CA4: variants seen among roughly 807,000 people sequenced by gnomAD.
CA4 encodes CA-IV.
CA4 carries 24 observed loss-of-function variants against 34.5 expected under a neutral mutation model. The ratio of observed to expected loss-of-function variants is 0.70; its 90% CI spans 0.50 to 0.98. The LOEUF is 0.98. Ranked by LOEUF, CA4 falls within the 50% of genes least tolerant of loss-of-function variation. CA4 has a pLI of 0.00. For missense variants in CA4, 394 were observed against 396.7 expected, an observed-to-expected ratio of 0.99 and a Z score of 0.06; for synonymous variants, 178 against 170.6, an observed-to-expected ratio of 1.04 and a Z score of -0.34.
intron 5 of CA4, among the ~76,000 whole-genome samples, chr17:60,167,663 T>TC (rs1278766564): frequency 1.3e-5 from 2 of 152,250 alleles, no homozygotes; most frequent in Non-Finnish European, 2.9e-5. Flanking sequence ...ATGCCAGCTT[T>TC]CCTTCAGGGG....
At chr17:60,154,782 G>A (rs966430465) in intron 1 of CA4, among the ~76,000 whole-genome samples, 9 of 152,296 alleles carry the variant, frequency 5.9e-5, no homozygotes, top group Middle Eastern at 6.8e-3. Flanking sequence ...GCTGTGAGAC[G>A]CTAGCCAAGA....
intron 2 of CA4, among the ~76,000 whole-genome samples, 191 bp from the exon 3 acceptor site, chr17:60,156,369 G>A (rs570231947): frequency 2.6e-5 from 4 of 152,304 alleles, no homozygotes; most frequent in African/African-American, 7.2e-5. Flanking sequence ...TTCTGTGGAG[G>A]AGGAGGAGGA....
Position 60,157,697 on chromosome 17 carries a change from T to C in CA4, c.422T>C (p.Ile141Thr), listed in dbSNP as rs781756861. The stretch of plus-strand genomic sequence containing the variant: ...CCCCTCCACCCCGACCAGATGCACA[T>C]AGTACATGAGAAAGAGAAGGGGACA... ...DGEHFAMEMH[I>T]VHEKEKGTSR... Residue 141 changes from isoleucine to threonine, a missense_variant, in exon 5 of 8, where the codon ATA (isoleucine) becomes ACA (threonine). Ile to Thr is a moderately conservative substitution (Grantham distance 89). Transcript: ENST00000300900. 1.9e-6 allele frequency: 3 copies of C among 1,613,468 alleles called. No homozygotes were observed. The highest frequency in any genetic ancestry group is 2.7e-5 in the African/African-American group (2 of 74,956).
downstream of CA4, among the ~76,000 whole-genome samples, chr17:60,173,850 A>C (rs2083934115): frequency 6.6e-6 from 1 of 152,212 alleles, no homozygotes; most frequent in African/African-American, 2.4e-5. Context: ...CTCTGGACTC[A>C]GCATATCCAA....
chr17:60,162,912 C>T (rs993755369), downstream of CA4, among the ~76,000 whole-genome samples: 2 of 152,188 alleles, frequency 1.3e-5, no homozygotes, highest in Non-Finnish European at 2.9e-5. Flanking sequence ...TGTCCAGGGG[C>T]AGGGTGGGGG....
chr17:60,154,224 C>T (rs2083639404), intron 1 of CA4, among the ~76,000 whole-genome samples: 1 of 98,970 alleles, frequency 1.0e-5, no homozygotes, highest in East Asian at 3.7e-4. Flanking sequence ...CATCTGCTCC[C>T]AAAAGGAGGC....
downstream of CA4, among the ~76,000 whole-genome samples, chr17:60,160,811 C>T (rs961494651): frequency 3.5e-5 from 5 of 143,306 alleles, no homozygotes; most frequent in East Asian, 4.2e-4. Context: ...GGGGAAGGGG[C>T]GGCTGGGAGG....
At chr17:60,152,654 C>A (rs769211260) in intron 1 of CA4, among the ~76,000 whole-genome samples, 1 of 152,202 alleles carries the variant, frequency 6.6e-6, no homozygotes, top group Non-Finnish European at 1.5e-5. Flanking sequence ...TGCCCCCGGG[C>A]CCTCCAGTCA....
chr17:60,164,380 CTTTCTTTCTTTTTTCTT>C (rs1200470063), downstream of CA4, among the ~76,000 whole-genome samples: 2 of 147,988 alleles, frequency 1.4e-5, no homozygotes, highest in Non-Finnish European at 3.0e-5. Context: ...GTCTTTCTTT[CTTTCTTTCTTTTTTCTT>C]TTTCTTTCTT....
rs748492425 is a variant in CA4 at position 60,159,275 on chromosome 17, G to A, written c.790G>A (p.Val264Met). 58 of 1,609,980 alleles carry A rather than the reference G, an allele frequency of 3.6e-5. No individual in the cohort carries two copies. The highest frequency in any genetic ancestry group is 4.6e-5 in the Non-Finnish European group (54 of 1,178,122). The stretch of plus-strand genomic sequence containing the variant: ...GCTGTACTACGACAAGGAACAGACA[G>A]TGAGCATGAAGGACAATGTCAGGCC... ...QKLYYDKEQT[V>M]SMKDNVRPLQ... is the part of the protein sequence containing the mutation. The change falls in exon 8 of 8, where the codon GTG (valine) becomes ATG (methionine). Residue 264 changes from valine (V) to methionine (M), a missense_variant. By Grantham distance (21) the Val-to-Met change is conservative. Transcript: ENST00000300900.
At chr17:60,157,922 A>T in intron 5 of CA4, 134 bp downstream of exon 5, 1 of 1,544,294 alleles carries the variant, frequency 6.5e-7, no homozygotes, top group South Asian at 1.2e-5. Flanking sequence ...CTGGGGTTGC[A>T]TGTCCCCGGG....
chr17:60,176,716 T>C, the CA4 span, among the ~76,000 whole-genome samples: 10 of 152,164 alleles, frequency 6.6e-5, no homozygotes, highest in Non-Finnish European at 1.5e-4. Context: ...TGTTCTACAC[T>C]CTACATCAGT....
chr17:60,167,299 C>G (rs2083865526), intron 5 of CA4, among the ~76,000 whole-genome samples: 1 of 152,192 alleles, frequency 6.6e-6, no homozygotes, highest in Admixed American at 6.6e-5. Context: ...GACCCTAGCC[C>G]TGGAGCGCTC....
downstream of CA4, among the ~76,000 whole-genome samples, chr17:60,163,691 G>A (rs2145295757): frequency 1.3e-5 from 2 of 152,346 alleles, no homozygotes; most frequent in Middle Eastern, 6.8e-3. Flanking sequence ...CTTCCGCAGA[G>A]CCCTCGGCTG....
downstream of CA4, among the ~76,000 whole-genome samples, chr17:60,173,889 G>C (rs192102146): frequency 6.6e-6 from 1 of 152,184 alleles, no homozygotes; most frequent in Non-Finnish European, 1.5e-5. Context: ...CGATGATGCC[G>C]ATGAATTGCC....
chr17:60,172,387 T>G (rs1244745606), downstream of CA4, among the ~76,000 whole-genome samples: 1 of 152,180 alleles, frequency 6.6e-6, no homozygotes, highest in African/African-American at 2.4e-5. Flanking sequence ...TTCAGTCTTC[T>G]TGGGGCATTT....
At chr17:60,156,858 C>A in intron 3 of CA4, 143 bp downstream of exon 3, 1 of 774,864 alleles carries the variant, frequency 1.3e-6, no homozygotes. Context: ...GGGAGGACAG[C>A]TTCCAGGAGG....
chr17:60,172,839 C>A (rs7216271), downstream of CA4, among the ~76,000 whole-genome samples: 4 of 149,438 alleles, frequency 2.7e-5, no homozygotes, highest in African/African-American at 9.9e-5. Context: ...AGTGAAACTC[C>A]GTCTCAAAAA....
At chr17:60,159,154 G>C (rs2083749722) in intron 7 of CA4, 76 bp from the exon 8 acceptor site, 1 of 1,315,268 alleles carries the variant, frequency 7.6e-7, no homozygotes, top group Non-Finnish European at 1.1e-6. Flanking sequence ...GACAGGATGA[G>C]GTGCCTGCCT....
Sources: gnomAD v4.1 joint callset for allele counts (sites outside exome capture counted in the v4.1 genomes callset) on GRCh38, gnomAD v4.1.1 for gene constraint, MANE v1.5 for transcripts, NCBI Gene and HGNC (gene_info 2026-07-23, HGNC 2026-07-21) for gene names.